The following CNBD1 variants were observed in gnomAD, a reference collection of about 807,000 sequenced individuals.
CNBD1 encodes the protein cyclic nucleotide binding domain containing 1.
CNBD1 carries 71 observed loss-of-function variants against 54.4 expected under a neutral mutation model. That is an observed-to-expected ratio of 1.30 (90% CI 1.08 to 1.59). The LOEUF is 1.59. Among genes scored for constraint, CNBD1 ranks in the 40% most tolerant of loss-of-function variants. The pLI, the probability that CNBD1 is intolerant of heterozygous loss-of-function variation, is 0.00. For synonymous variants in CNBD1, 182 were observed against 170.7 expected (o/e 1.07, Z -0.51); for missense variants, 659 against 518.0 (o/e 1.27, Z -2.64).
chr8:87,149,908 G>A (rs940783976), intron 4 of CNBD1, among the ~76,000 whole-genome samples: 2 of 152,100 alleles, frequency 1.3e-5, no homozygotes, highest in Admixed American at 1.3e-4. Context: ...GGGTGCGGTG[G>A]CTCACGCCTG....
chr8:87,405,438 A>T (rs1807635742), intron 2 of CNBD1, among the ~76,000 whole-genome samples: 1 of 152,096 alleles, frequency 6.6e-6, no homozygotes, highest in Admixed American at 6.6e-5. Context: ...TTCCTAAGAG[A>T]AACACTACTA....
At chr8:86,961,087 G>C (rs1045884524) in intron 4 of CNBD1, among the ~76,000 whole-genome samples, 3 of 152,076 alleles carry the variant, frequency 2.0e-5, no homozygotes, top group African/African-American at 7.2e-5. Flanking sequence ...TTTAAAGCTA[G>C]CCTGTTTATA....
intron 2 of CNBD1, among the ~76,000 whole-genome samples, chr8:86,890,435 G>T (rs1161400334): frequency 6.6e-6 from 1 of 152,024 alleles, no homozygotes; most frequent in African/African-American, 2.4e-5. Context: ...TTTTAAGACC[G>T]AACAGTATTC....
intron 2 of CNBD1, among the ~76,000 whole-genome samples, chr8:87,406,788 A>G (rs555408214): frequency 2.0e-5 from 3 of 152,010 alleles, no homozygotes; most frequent in South Asian, 2.1e-4. Context: ...CTCAGTTTAC[A>G]TATTAATTCA....
intron 9 of CNBD1, among the ~76,000 whole-genome samples, chr8:87,352,948 T>C (rs1327680191): frequency 6.6e-6 from 1 of 152,206 alleles, no homozygotes; most frequent in African/African-American, 2.4e-5. Flanking sequence ...CTTGCCACTT[T>C]CCTACCTGAG....
intron 4 of CNBD1, among the ~76,000 whole-genome samples, chr8:87,075,898 A>G (rs1026492036): frequency 6.6e-6 from 1 of 152,206 alleles, no homozygotes; most frequent in Non-Finnish European, 1.5e-5. Context: ...AGTTTGGGAA[A>G]TATTATTATC....
At chr8:87,228,090 A>G (rs1010221351) in intron 5 of CNBD1, among the ~76,000 whole-genome samples, 25 of 151,542 alleles carry the variant, frequency 1.6e-4, no homozygotes, top group Non-Finnish European at 3.4e-4. Flanking sequence ...TTTCAGCTCC[A>G]TCAGCTCCTT....
At chr8:87,140,415 A>G (rs973519866) in intron 4 of CNBD1, among the ~76,000 whole-genome samples, 1 of 152,168 alleles carries the variant, frequency 6.6e-6, no homozygotes, top group African/African-American at 2.4e-5. Context: ...AAGAATTGAT[A>G]CTTCCTCAAA....
At chr8:86,909,178 T>G (rs1393249813) in intron 3 of CNBD1, among the ~76,000 whole-genome samples, 1 of 152,202 alleles carries the variant, frequency 6.6e-6, no homozygotes, top group Non-Finnish European at 1.5e-5. Flanking sequence ...TCTTAACTCA[T>G]TACAGAAAGA....
intron 5 of CNBD1, among the ~76,000 whole-genome samples, chr8:87,208,307 A>G (rs1814020532): frequency 6.6e-6 from 1 of 152,162 alleles, no homozygotes; most frequent in African/African-American, 2.4e-5. Context: ...TAATAGGAAA[A>G]CAATATTATA....
chr8:86,878,552 C>T (rs1416806550), intron 1 of CNBD1, among the ~76,000 whole-genome samples: 9 of 149,112 alleles, frequency 6.0e-5, no homozygotes, highest in Non-Finnish European at 1.2e-4. Context: ...TAACATTGTC[C>T]TCTGTATTAT....
chr8:87,030,632 C>T (rs1162629962), intron 4 of CNBD1, among the ~76,000 whole-genome samples: 1 of 151,838 alleles, frequency 6.6e-6, no homozygotes, highest in Non-Finnish European at 1.5e-5. Flanking sequence ...TTTTAATGAT[C>T]TTCAGGATTT....
chr8:87,377,910 T>G (rs1220032461), intron 10 of CNBD1, among the ~76,000 whole-genome samples: 1 of 150,986 alleles, frequency 6.6e-6, no homozygotes, highest in African/African-American at 2.5e-5. Context: ...CCAGTGATGA[T>G]GAGCATTTTT....
chr8:87,196,711 A>G (rs1813729883), intron 4 of CNBD1, among the ~76,000 whole-genome samples: 1 of 152,204 alleles, frequency 6.6e-6, no homozygotes, highest in Non-Finnish European at 1.5e-5. Context: ...AATGATCAGA[A>G]GCCAGATACC....
chr8:87,210,985 C>T (rs1387159218), intron 5 of CNBD1, among the ~76,000 whole-genome samples: 2 of 152,158 alleles, frequency 1.3e-5, no homozygotes, highest in Non-Finnish European at 2.9e-5. Context: ...TCAACTCCTA[C>T]CCCTGAGAGC....
At chr8:87,179,876 G>A (rs1813276864) in intron 4 of CNBD1, among the ~76,000 whole-genome samples, 1 of 152,116 alleles carries the variant, frequency 6.6e-6, no homozygotes, top group Non-Finnish European at 1.5e-5. Flanking sequence ...AAAAACTGGA[G>A]TAACTCCGAT....
intron 3 of CNBD1, among the ~76,000 whole-genome samples, chr8:86,923,503 C>T (rs1277798477): frequency 1.3e-5 from 2 of 152,046 alleles, no homozygotes; most frequent in Admixed American, 6.6e-5. Flanking sequence ...GGGTCCCTGC[C>T]CCTAGACCCA....
In CNBD1 at chr8:87,188,672, G is replaced by A. The variant is rs557183685; in HGVS notation, c.432-17321G>A. On this transcript the variant is annotated intron_variant, in intron 4 of 10. Coordinates refer to ENST00000518476, the MANE Select transcript of CNBD1 (RefSeq NM_173538.3). ...ACTAGGGAGGTGGAGGTTGCAGTGA[G>A]CCGAGATTATGCCACTACAAGATCA... Among the ~76,000 whole-genome samples, 12 of 151,296 alleles carry A rather than the reference G, an allele frequency of 7.9e-5. No homozygotes were observed. In the South Asian group the frequency reaches 2.5e-3, roughly 32 times the overall value.
intron 4 of CNBD1, among the ~76,000 whole-genome samples, chr8:87,023,113 T>G (rs1243984215): frequency 6.6e-6 from 1 of 152,236 alleles, no homozygotes; most frequent in Non-Finnish European, 1.5e-5. Flanking sequence ...AAATGAAAGT[T>G]ACTGGTCTTT....
Sources: allele counts gnomAD v4.1 joint callset (sites outside exome capture counted in the v4.1 genomes callset), GRCh38; gene constraint gnomAD v4.1.1; transcripts MANE v1.5; gene names NCBI Gene and HGNC (gene_info 2026-07-23, HGNC 2026-07-21).